ITGA1: variants seen among roughly 807,000 people sequenced by gnomAD.
The protein encoded by ITGA1 is integrin alpha-1.
Under a neutral mutation model 145.9 loss-of-function variants are expected in ITGA1, and 85 were observed. The observed-to-expected ratio is 0.58, with a 90% CI of 0.49 to 0.70. The LOEUF (loss-of-function observed/expected upper bound fraction) is 0.70. Ranked by LOEUF, ITGA1 falls within the 30% of genes least tolerant of loss-of-function variation. The pLI, the probability that ITGA1 is intolerant of heterozygous loss-of-function variation, is 0.00. For missense variants in ITGA1, 1,351 were observed against 1,418.7 expected, an observed-to-expected ratio of 0.95 and a Z score of 0.77; for synonymous variants, 520 against 495.3, an observed-to-expected ratio of 1.05 and a Z score of -0.66.
At chr5:52,799,511 G>A (rs1748410596) in intron 1 of ITGA1, among the ~76,000 whole-genome samples, 1 of 152,192 alleles carries the variant, frequency 6.6e-6, no homozygotes, top group Non-Finnish European at 1.5e-5. Context: ...CCACCCAGGG[G>A]TAAATTCCAC....
intron 1 of ITGA1, among the ~76,000 whole-genome samples, chr5:52,838,654 A>T (rs1749201799): frequency 6.6e-6 from 1 of 152,198 alleles, no homozygotes; most frequent in African/African-American, 2.4e-5. Context: ...AGCAAAATAA[A>T]ACATAGGTAG....
intron 2 of ITGA1, among the ~76,000 whole-genome samples, chr5:52,853,555 T>G (rs1749459995): frequency 6.6e-6 from 1 of 152,210 alleles, no homozygotes; most frequent in Non-Finnish European, 1.5e-5. Flanking sequence ...GGAGCACTTG[T>G]TAGCCCATGA....
intron 1 of ITGA1, chr5:52,803,088 G>A (rs1156893402): frequency 4.6e-5 from 7 of 152,108 alleles, no homozygotes; most frequent in South Asian, 4.1e-4. Flanking sequence ...GATCAGCGAC[G>A]CCTATTTCAA....
intron 15 of ITGA1, 104 bp downstream of exon 15, chr5:52,915,698 TTCCAC>T: frequency 7.3e-7 from 1 of 1,371,354 alleles, no homozygotes; most frequent in East Asian, 2.3e-5. Flanking sequence ...TCCTTTTGTG[TTCCAC>T]TATGCAAATA....
chr5:52,795,095 G>A (rs757048662), intron 1 of ITGA1, among the ~76,000 whole-genome samples: 34 of 151,760 alleles, frequency 2.2e-4, no homozygotes, highest in Non-Finnish European at 4.7e-4. Flanking sequence ...CCTAATTTTA[G>A]AATGTCAGTT....
chr5:52,800,523 C>T (rs1748448627), intron 1 of ITGA1: 1 of 1,614,132 alleles, frequency 6.2e-7, no homozygotes, highest in Non-Finnish European at 8.5e-7. Flanking sequence ...GCGCCTCCAC[C>T]ATCCGCAAGG....
At chr5:52,799,579 C>T (rs1335837655) in intron 1 of ITGA1, among the ~76,000 whole-genome samples, 1 of 152,200 alleles carries the variant, frequency 6.6e-6, no homozygotes, top group African/African-American at 2.4e-5. Flanking sequence ...TCAGATCGTG[C>T]AGACACGGTA....
At chr5:52,912,071 CTATA>C (rs541203662) in intron 14 of ITGA1, among the ~76,000 whole-genome samples, 2 of 135,036 alleles carry the variant, frequency 1.5e-5, no homozygotes, top group East Asian at 4.4e-4. Context: ...TATACACACA[CTATA>C]TATAGTATAT....
chr5:52,807,568 A>G (rs1040283331), intron 1 of ITGA1, among the ~76,000 whole-genome samples: 1 of 150,536 alleles, frequency 6.6e-6, no homozygotes, highest in African/African-American at 2.5e-5. Context: ...ATCTAAAAAT[A>G]AAAATAAATT....
At chr5:52,824,553 A>G (rs540152709) in intron 1 of ITGA1, 1 of 152,218 alleles carries the variant, frequency 6.6e-6, no homozygotes, top group South Asian at 2.1e-4. Flanking sequence ...GGCCTCCCAA[A>G]GTGCTAGGAT....
chr5:52,819,612 A>G (rs1240027095), intron 1 of ITGA1, among the ~76,000 whole-genome samples: 2 of 152,112 alleles, frequency 1.3e-5, no homozygotes, highest in African/African-American at 4.8e-5. Context: ...ATTCACTCTG[A>G]TGGTAGTTTC....
chr5:52,954,456 G>A lies in ITGA1; in HGVS notation c.*2005G>A, dbSNP rs143159994. On this transcript the variant is annotated 3_prime_UTR_variant, in exon 29 of 29. Coordinates refer to ENST00000282588, the MANE Select transcript of ITGA1 (RefSeq NM_181501.2). ...ACTGAAAGGGAAAAAATAGAAATGA[G>A]GGCATTTTGAAGTTTTTAGAAAAGA... 1 of 152,158 alleles carries A rather than the reference G, an allele frequency of 6.6e-6. No homozygotes were observed. Among genetic ancestry groups the A allele is most frequent in the African/African-American group, 2.4e-5 (1 of 41,434 alleles). The allele number at this position is 152,158 out of a possible 1,614,324, so 9.4% of individuals were successfully genotyped here. A position where few individuals can be genotyped will look rare whatever the true frequency, so the allele number is the denominator to read the frequency against.
chr5:52,829,660 T>C (rs564961470), intron 1 of ITGA1, among the ~76,000 whole-genome samples: 1 of 152,232 alleles, frequency 6.6e-6, no homozygotes, highest in Admixed American at 6.5e-5. Flanking sequence ...TGAAAACAGT[T>C]CAATACTCAT....
chr5:52,835,812 T>C (rs1561222820), intron 1 of ITGA1, among the ~76,000 whole-genome samples: 2 of 152,150 alleles, frequency 1.3e-5, no homozygotes, highest in Non-Finnish European at 2.9e-5. Context: ...AAGCAAGGAG[T>C]TGCAAGAATA....
rs1429362029 is a variant in ITGA1 at position 52,865,825 on chromosome 5, A to C, written c.624+8A>C. ...GGTCCTAAACAGACACAGGTATGTG[A>C]CTTTGTGTTTTGATTTCTGTTGTTC... On this transcript the variant is annotated splice_region_variant and intron_variant, in intron 6 of 28. Transcript: ENST00000282588. 1.3e-6 allele frequency: 2 copies of C among 1,560,658 alleles called. No individual in the cohort carries two copies. The highest frequency in any genetic ancestry group is 1.7e-6 in the Non-Finnish European group (2 of 1,161,728).
chr5:52,946,954 C>T (rs1318123037), intron 27 of ITGA1, among the ~76,000 whole-genome samples: 1 of 152,122 alleles, frequency 6.6e-6, no homozygotes, highest in African/African-American at 2.4e-5. Flanking sequence ...GTTCTTATGA[C>T]AACAAACTGC....
rs1031967078 is a variant in ITGA1, at chr5:52,905,999, A to G, written c.1455+91A>G. On this transcript the variant is annotated intron_variant, in intron 12 of 28. Coordinates refer to ENST00000282588, the MANE Select transcript of ITGA1 (RefSeq NM_181501.2). The stretch of plus-strand genomic sequence containing the variant: ...ATTGTCCTAAACTTAAAAATGCAAT[A>G]CCCACATATTCAGTAACAACTGGGA... 4.5e-6 allele frequency: 5 copies of G among 1,115,876 alleles called. No individual in the cohort carries two copies. The African/African-American group carries it at 7.9e-5, about 18-fold the overall frequency. The allele number at this position is 1,115,876 out of a possible 1,614,324, so 69.1% of individuals were successfully genotyped here. A position where few individuals can be genotyped will look rare whatever the true frequency, so the allele number is the denominator to read the frequency against.
chr5:52,921,963 A>G (rs1186636763), intron 17 of ITGA1, among the ~76,000 whole-genome samples: 2 of 152,220 alleles, frequency 1.3e-5, no homozygotes, highest in Non-Finnish European at 2.9e-5. Flanking sequence ...GTGGCATGTT[A>G]ACAGTATTAA....
chr5:52,884,064 T>C (rs1750007157), intron 7 of ITGA1, among the ~76,000 whole-genome samples: 1 of 152,210 alleles, frequency 6.6e-6, no homozygotes, highest in Non-Finnish European at 1.5e-5. Context: ...CAAAAGTGAT[T>C]GAATCTCATA....
Sources: gnomAD v4.1 joint callset for allele counts (sites outside exome capture counted in the v4.1 genomes callset) on GRCh38, gnomAD v4.1.1 for gene constraint, MANE v1.5 for transcripts, NCBI Gene and HGNC (gene_info 2026-07-23, HGNC 2026-07-21) for gene names.